GMEB2: variants seen among roughly 807,000 people sequenced by gnomAD.
GMEB2 encodes glucocorticoid modulatory element binding protein 2.
A neutral mutation model predicts 45.7 loss-of-function variants in GMEB2; 7 were observed. The observed-to-expected ratio is 0.15, with a 90% confidence interval of 0.09 to 0.29. GMEB2 has a LOEUF of 0.29. GMEB2 is among the 10% of genes least tolerant of loss of function. The pLI, the probability that GMEB2 is intolerant of heterozygous loss-of-function variation, is 1.00. For missense variants in GMEB2, 582 were observed against 739.2 expected, an observed-to-expected ratio of 0.79 and a Z score of 2.47; for synonymous variants, 322 against 323.6, an observed-to-expected ratio of 1.00 and a Z score of 0.05.
intron 2 of GMEB2, among the ~76,000 whole-genome samples, chr20:63,614,780 T>C (rs1218026529): frequency 6.6e-6 from 1 of 151,900 alleles, no homozygotes; most frequent in East Asian, 1.9e-4. Flanking sequence ...GCGGTCTCTC[T>C]CTCTCTCTCC....
intron 1 of GMEB2, among the ~76,000 whole-genome samples, chr20:63,620,845 T>C (rs1601035602): frequency 1.3e-5 from 2 of 152,092 alleles, no homozygotes; most frequent in Non-Finnish European, 2.9e-5. Flanking sequence ...ACGATCAAAC[T>C]TCCTGGCAAA....
At chr20:63,597,568 C>T (rs2083209331) in intron 5 of GMEB2, among the ~76,000 whole-genome samples, 189 bp downstream of exon 5, 1 of 152,172 alleles carries the variant, frequency 6.6e-6, no homozygotes, top group Admixed American at 6.5e-5. Context: ...GATAGTGTCC[C>T]TGTTGGCAGG....
Position 63,619,923 on chromosome 20 carries a change from G to C in GMEB2, c.-57-469C>G, listed in dbSNP as rs1490524024. ...AAACCCATTCAAGACAGAAAGAGAG[G>C]AGGGAAACGCCCTGGGTTTTTTTGG... is the stretch of plus-strand genomic sequence containing the variant. On this transcript the variant is annotated intron_variant, in intron 1 of 9. Coordinates refer to ENST00000370077, the MANE Select transcript of GMEB2 (RefSeq NM_012384.5). The surrounding 1 kb of genome is among the most constrained non-coding windows in gnomAD (Gnocchi z 4.6). The C allele has an allele frequency of 6.6e-6, 1 of 152,446 alleles. No homozygotes were observed. Among genetic ancestry groups the C allele is most frequent in the Non-Finnish European group, 1.5e-5 (1 of 68,188 alleles). The allele number at this position is 152,446 out of a possible 1,614,324, so 9.4% of individuals were successfully genotyped here.
At position 63,602,207 on chromosome 20, in the gene GMEB2, C is replaced by T. The variant is rs534262240; in HGVS notation, c.357+758G>A. On this transcript the variant is annotated intron_variant, in intron 4 of 9. Transcript: ENST00000370077. ...ACTGCCAGCTGGGAGCCACTGATAA[C>T]GACACTCTCAGCTTGAGGCTTTCAG... 1.6e-4 allele frequency among the ~76,000 whole-genome samples: 25 copies of T among 152,322 alleles called. No individual in the cohort carries two copies. In the East Asian group the frequency reaches 1.7e-3, roughly 11 times the overall value.
rs772904791 is a variant in GMEB2 at position 63,590,269 on chromosome 20, C to A, written c.1413G>T (p.Val471=). The change falls in exon 10 of 10, where the codon GTG becomes GTT. Residue 471 remains valine (V), a synonymous_variant. Coordinates refer to ENST00000370077, the MANE Select transcript of GMEB2 (RefSeq NM_012384.5). ...ACGTGAGCAGCTGTAGCGGGCTGAC[C>A]ACCTTGAACACCGTGCTACCGTCCT... ...AVQDGSTVFK[V]VSPLQLLTLP... The A allele has an allele frequency of 7.4e-6, 12 of 1,612,638 alleles. No individual in the cohort carries two copies. In the South Asian group the frequency reaches 1.3e-4, roughly 18 times the overall value.
intron 1 of GMEB2, among the ~76,000 whole-genome samples, chr20:63,624,930 TCTC>T (rs937627490): frequency 3.6e-4 from 54 of 151,818 alleles, no homozygotes; most frequent in Middle Eastern, 3.4e-3. Context: ...ACAGTCTCGA[TCTC>T]CTGACCTCGT....
In GMEB2 at chr20:63,593,177, C is replaced by T. The variant is rs1044838402; in HGVS notation, c.620-95G>A. 27 of 742,718 alleles carry T rather than the reference C, an allele frequency of 3.6e-5. No individual in the cohort carries two copies. Among genetic ancestry groups the T allele is most frequent in the South Asian group, 2.8e-4 (19 of 67,042 alleles). 46.0% of individuals were successfully genotyped at this position (742,718 alleles called of 1,614,324 possible). On this transcript the variant is annotated intron_variant, in intron 6 of 9. Coordinates refer to ENST00000370077, the MANE Select transcript of GMEB2 (RefSeq NM_012384.5). This position sits in a 1 kb window ranked among gnomAD's most constrained non-coding sequence, Gnocchi z 4.7. The stretch of plus-strand genomic sequence containing the variant: ...ACCCTCCTCACACCACCTTCTGAAC[C>T]TTTCCATCTGTCTTCACAAAACTGA...
At position 63,588,608 on chromosome 20, in the gene GMEB2, A is replaced by G. The variant is rs1022506600; in HGVS notation, c.*1481T>C. 2.0e-5 allele frequency: 8 copies of G among 397,772 alleles called. No homozygotes were observed. The highest frequency in any genetic ancestry group is 1.6e-4 in the African/African-American group (8 of 48,652). The allele number at this position is 397,772 out of a possible 1,614,324, so 24.6% of individuals were successfully genotyped here. ...GGGCAGCCAGGACAGGGCCCTGGTG[A>G]CAATGGCGCAGAGGTGGGGTCTGGG... On this transcript the variant is annotated 3_prime_UTR_variant, in exon 10 of 10. Transcript: ENST00000370077.
chr20:63,626,785 G>C (rs2089677949), intron 1 of GMEB2, among the ~76,000 whole-genome samples, 171 bp downstream of exon 1: 1 of 145,816 alleles, frequency 6.9e-6, no homozygotes, highest in African/African-American at 2.5e-5. Context: ...CCCGCCTGAC[G>C]CCGCCGTTGC....
At position 63,590,330 on chromosome 20, in the gene GMEB2, G is replaced by T; in HGVS notation, c.1352C>A (p.Ala451Glu). 1 of 1,612,142 alleles carries T rather than the reference G, an allele frequency of 6.2e-7. No homozygotes were observed. Among genetic ancestry groups the T allele is most frequent in the Non-Finnish European group, 8.5e-7 (1 of 1,179,536 alleles). ...YPSTVEIHPD[A>E]SSLTVLSTAA... Reference sequence around the variant, plus strand: ...CGTGCTCAGGACCGTGAGGCTGGACGCGTCCGGGTGGATCTCCACTGTGCT... The same window carrying T: ...CGTGCTCAGGACCGTGAGGCTGGACTCGTCCGGGTGGATCTCCACTGTGCT... Residue 451 changes from alanine (A) to glutamate (E), a missense_variant, in exon 10 of 10, where the codon GCG becomes GAG. Ala to Glu is a moderately radical substitution (Grantham distance 107). This residue lies in a region of GMEB2 where 462 missense variants were observed against 586.7 expected (regional missense o/e 0.79). Transcript: ENST00000370077.
At chr20:63,610,232 C>T (rs759245183) in intron 2 of GMEB2, among the ~76,000 whole-genome samples, 3 of 152,172 alleles carry the variant, frequency 2.0e-5, no homozygotes, top group African/African-American at 4.8e-5. Context: ...TAAAAACACA[C>T]GCACACCAGC....
In GMEB2 at chr20:63,612,815, C is replaced by T. The variant is rs76882343; in HGVS notation, c.131+6452G>A. 9.7e-3 allele frequency among the ~76,000 whole-genome samples: 1,483 copies of T among 152,342 alleles called. 22 individuals are homozygous for T. Among genetic ancestry groups the T allele is most frequent in the African/African-American group, 0.034 (1,422 of 41,572 alleles). ...CTGTGGCCAAGGCCACCCAGACCAG[C>T]AGGTCCTTGCCAAGCTGTCAGCTGA... On this transcript the variant is annotated intron_variant, in intron 2 of 9. Transcript: ENST00000370077.
intron 5 of GMEB2, among the ~76,000 whole-genome samples, chr20:63,596,189 A>G (rs760215170): frequency 1.7e-4 from 26 of 152,200 alleles, no homozygotes; most frequent in Non-Finnish European, 3.4e-4. Context: ...CTTCCAGGAG[A>G]ACCTTCCTCC....
chr20:63,605,069 G>A lies in GMEB2; in HGVS notation c.132-229C>T, dbSNP rs1021235063. ...AGTTCGAGACCAGCCTGGCCAACAC[G>A]GTGAAACCCCATCTCTATTTAAAAA... On this transcript the variant is annotated intron_variant, in intron 2 of 9. Transcript: ENST00000370077. Among the ~76,000 whole-genome samples the A allele has an allele frequency of 6.6e-5, 10 of 151,962 alleles. No homozygotes were observed. The East Asian group carries it at 9.7e-4, about 15-fold the overall frequency.
chr20:63,603,613 C>G (rs1205547972), intron 3 of GMEB2, among the ~76,000 whole-genome samples: 1 of 152,012 alleles, frequency 6.6e-6, no homozygotes, highest in Non-Finnish European at 1.5e-5. Context: ...CCTGTAGTCC[C>G]AGCTACTGGG....
rs571027431 is a variant in GMEB2, at chr20:63,624,168, T to C, written c.-58+2788A>G. Among the ~76,000 whole-genome samples, 7 of 145,350 alleles carry C rather than the reference T, an allele frequency of 4.8e-5. No homozygotes were observed. In the South Asian group the frequency reaches 1.5e-3, roughly 32 times the overall value. The stretch of plus-strand genomic sequence containing the variant: ...GTGGTGGCTCACGCCTGTAATCCCA[T>C]CACTTTGGAAGGCCGAGGCGGGTGG... On this transcript the variant is annotated intron_variant, in intron 1 of 9. Transcript: ENST00000370077.
chr20:63,608,925 C>T (rs1159089558), intron 2 of GMEB2, among the ~76,000 whole-genome samples: 3 of 29,066 alleles, frequency 1.0e-4, no homozygotes, highest in Non-Finnish European at 3.6e-4. Context: ...TAGAAACATG[C>T]CCCTGTGACC....
chr20:63,615,187 C>T (rs990571198), intron 2 of GMEB2, among the ~76,000 whole-genome samples: 2 of 152,258 alleles, frequency 1.3e-5, no homozygotes, highest in Non-Finnish European at 2.9e-5. Context: ...ACATCTGGCC[C>T]AGTCTCCTCG....
At chr20:63,598,510 A>C (rs2083216930) in intron 4 of GMEB2, among the ~76,000 whole-genome samples, 1 of 152,148 alleles carries the variant, frequency 6.6e-6, no homozygotes. Context: ...CTGGAATAAA[A>C]CTGCATTTAC....
Sources: allele counts gnomAD v4.1 joint callset (sites outside exome capture counted in the v4.1 genomes callset), GRCh38; gene constraint gnomAD v4.1.1; regional missense constraint gnomAD v4.1.1; non-coding constraint Gnocchi (gnomAD v3.1); transcripts MANE v1.5; gene names NCBI Gene and HGNC (gene_info 2026-07-23, HGNC 2026-07-21).